INPP4B: variants seen among roughly 807,000 people sequenced by gnomAD.
INPP4B encodes the protein inositol polyphosphate 4-phosphatase type II.
In INPP4B, 55 loss-of-function variants were observed where a neutral mutation model predicts 122.5. That is an observed-to-expected ratio of 0.45 (90% confidence interval 0.36 to 0.56). The LOEUF is 0.56. Ranked by LOEUF, INPP4B falls within the 20% of genes least tolerant of loss-of-function variation. The pLI is 0.00. For synonymous variants in INPP4B, 403 were observed against 388.7 expected (o/e 1.04, Z -0.43); for missense variants, 1,000 against 1,097.7 (o/e 0.91, Z 1.26).
intron 17 of INPP4B, 138 bp from the exon 18 acceptor site, chr4:142,146,134 T>C (rs996716232): frequency 3.2e-6 from 3 of 933,784 alleles, no homozygotes; most frequent in Non-Finnish European, 4.8e-6. Context: ...TTCCCATTAA[T>C]TTGGTCAGAC....
intron 2 of INPP4B, among the ~76,000 whole-genome samples, chr4:142,565,644 G>A (rs1731465362): frequency 6.6e-6 from 1 of 152,116 alleles, no homozygotes; most frequent in South Asian, 2.1e-4. Flanking sequence ...AAAATTAGTG[G>A]CAAAGGTGTG....
rs184139299 is a variant in INPP4B at position 142,400,836 on chromosome 4, T to C, written c.372+2102A>G. 3.5e-3 allele frequency among the ~76,000 whole-genome samples: 526 copies of C among 152,298 alleles called. 2 individuals carry two copies. The highest frequency in any genetic ancestry group is 5.9e-3 in the Admixed American group (91 of 15,302). On this transcript the variant is annotated intron_variant, in intron 7 of 25. Coordinates refer to ENST00000262992, the MANE Select transcript of INPP4B (RefSeq NM_001101669.3). ...TAAAGTCAACAAAAAGCATAATTAA[T>C]GAGTACATTAGTTGTCTATCTCCAA...
Position 142,176,364 on chromosome 4 carries a change from C to T in INPP4B, c.1182-2555G>A, listed in dbSNP as rs1018666522. On this transcript the variant is annotated intron_variant, in intron 15 of 25. Coordinates refer to ENST00000262992, the MANE Select transcript of INPP4B (RefSeq NM_001101669.3). ...CTTTCTTCACAGAATTGGAAAAAAA[C>T]CACATGACTGCTTTCTGAATGTGTC... is the stretch of plus-strand genomic sequence containing the variant. Among the ~76,000 whole-genome samples the T allele has an allele frequency of 1.6e-4, 24 of 151,748 alleles. 1 individual carries two copies. Among genetic ancestry groups the T allele is most frequent in the African/African-American group, 5.8e-4 (24 of 41,346 alleles).
At chr4:142,344,204 A>G (rs1779578465) in intron 7 of INPP4B, among the ~76,000 whole-genome samples, 1 of 152,248 alleles carries the variant, frequency 6.6e-6, no homozygotes, top group South Asian at 2.1e-4. Context: ...AATAAGAGAT[A>G]TCTTTGCACA....
At chr4:142,771,636 G>A (rs1773082829) in intron 1 of INPP4B, among the ~76,000 whole-genome samples, 1 of 152,126 alleles carries the variant, frequency 6.6e-6, no homozygotes, top group South Asian at 2.1e-4. Flanking sequence ...CAAGGCTTAT[G>A]CTCAGGTTTG....
In INPP4B at chr4:142,253,490, G is replaced by T. The variant is rs1579460956; in HGVS notation, c.688+7002C>A. Among the ~76,000 whole-genome samples, 6 of 152,284 alleles carry T rather than the reference G, an allele frequency of 3.9e-5. 1 individual carries two copies. The South Asian group carries it at 1.2e-3, about 32-fold the overall frequency. On this transcript the variant is annotated intron_variant, in intron 11 of 25. Coordinates refer to ENST00000262992, the MANE Select transcript of INPP4B (RefSeq NM_001101669.3). ...GCCAGAGAGTGGGCGCAGGTCAGTG[G>T]GTGCGCGCACCATGTGCGAGCCGAA...
chr4:142,210,144 C>T (rs1350637318), intron 12 of INPP4B, among the ~76,000 whole-genome samples: 2 of 152,148 alleles, frequency 1.3e-5, no homozygotes, highest in Non-Finnish European at 2.9e-5. Flanking sequence ...AATAATGAAG[C>T]TTCTTTGCTA....
intron 7 of INPP4B, among the ~76,000 whole-genome samples, chr4:142,350,136 T>C (rs1251379849): frequency 2.0e-5 from 3 of 152,042 alleles, no homozygotes; most frequent in Non-Finnish European, 2.9e-5. Flanking sequence ...TTGAATTGTA[T>C]GTTGCTTTCC....
intron 2 of INPP4B, among the ~76,000 whole-genome samples, chr4:142,623,840 T>C (rs77247714): frequency 0.025 from 3,777 of 152,000 alleles, 59 homozygotes; most frequent in Middle Eastern, 0.088. Context: ...GTCCTTGCGA[T>C]AGTTTACTGA....
intron 1 of INPP4B, among the ~76,000 whole-genome samples, chr4:142,779,369 G>T (rs996751949): frequency 1.3e-5 from 2 of 152,012 alleles, no homozygotes; most frequent in Non-Finnish European, 1.5e-5. Context: ...ACAAAATTTT[G>T]GAATGCCCCT....
At chr4:142,608,977 C>A (rs1480054754) in intron 2 of INPP4B, among the ~76,000 whole-genome samples, 2 of 152,112 alleles carry the variant, frequency 1.3e-5, no homozygotes, top group African/African-American at 2.4e-5. Context: ...AGCCTCCCTT[C>A]CTTTTTCCCA....
chr4:142,358,716 G>A (rs900528202), intron 7 of INPP4B, among the ~76,000 whole-genome samples: 2 of 149,226 alleles, frequency 1.3e-5, no homozygotes, highest in African/African-American at 4.9e-5. Flanking sequence ...GAGCCATGTC[G>A]AGCAGTATCT....
intron 7 of INPP4B, among the ~76,000 whole-genome samples, chr4:142,355,936 A>G (rs1439850825): frequency 6.6e-6 from 1 of 151,690 alleles, no homozygotes; most frequent in Non-Finnish European, 1.5e-5. Flanking sequence ...CTCAAGAGAA[A>G]TGAACAGAAT....
intron 7 of INPP4B, among the ~76,000 whole-genome samples, chr4:142,388,932 A>G (rs149307899): frequency 7.9e-5 from 12 of 151,924 alleles, no homozygotes; most frequent in African/African-American, 2.9e-4. Context: ...GTTTCCAAGG[A>G]CTCCACCCTA....
At chr4:142,711,250 T>A (rs1044944614) in intron 2 of INPP4B, among the ~76,000 whole-genome samples, 1 of 152,130 alleles carries the variant, frequency 6.6e-6, no homozygotes, top group Non-Finnish European at 1.5e-5. Context: ...CTCCCAGGCC[T>A]CCCTATTTAA....
chr4:142,822,669 G>A (rs1369382708), intron 1 of INPP4B, among the ~76,000 whole-genome samples: 1 of 152,018 alleles, frequency 6.6e-6, no homozygotes, highest in African/African-American at 2.4e-5. Context: ...CTGGTCCCTG[G>A]TGCCAAAAAG....
chr4:142,442,294 C>T (rs1811932793), intron 3 of INPP4B, among the ~76,000 whole-genome samples: 1 of 151,254 alleles, frequency 6.6e-6, no homozygotes, highest in African/African-American at 2.4e-5. Flanking sequence ...TGCCTGTAAT[C>T]CCAGCTATAT....
chr4:142,116,389 CA>C (rs1172204721), intron 21 of INPP4B, among the ~76,000 whole-genome samples: 1 of 152,090 alleles, frequency 6.6e-6, no homozygotes, highest in Non-Finnish European at 1.5e-5. Flanking sequence ...ACACTTATTC[CA>C]AAATTGACCA....
At chr4:142,384,018 C>A in intron 7 of INPP4B, 1 of 696,692 alleles carries the variant, frequency 1.4e-6, no homozygotes, top group South Asian at 1.5e-5. Flanking sequence ...AACCATCCTG[C>A]AGACATTTGA....
Sources: gnomAD v4.1 joint callset for allele counts (sites outside exome capture counted in the v4.1 genomes callset) on GRCh38, gnomAD v4.1.1 for gene constraint, MANE v1.5 for transcripts, NCBI Gene and HGNC (gene_info 2026-07-23, HGNC 2026-07-21) for gene names.